The following CDH18 variants were observed in gnomAD, a reference collection of about 807,000 sequenced individuals.
The protein encoded by CDH18 is cadherin-18.
CDH18 carries 31 observed loss-of-function variants against 67.9 expected under a neutral mutation model. The observed-to-expected ratio is 0.46, with a 90% CI of 0.34 to 0.62. The LOEUF is 0.62. Ranked by LOEUF, CDH18 falls within the 20% of genes least tolerant of loss-of-function variation. The probability of loss-of-function intolerance (pLI) is 0.01; values close to 1 mark genes in which losing one functional copy is unlikely to be tolerated. For missense variants in CDH18, 890 were observed against 975.5 expected, an observed-to-expected ratio of 0.91 and a Z score of 1.17; for synonymous variants, 362 against 347.2, an observed-to-expected ratio of 1.04 and a Z score of -0.48.
chr5:19,651,857 C>G (rs1380383477), intron 5 of CDH18, among the ~76,000 whole-genome samples: 1 of 152,024 alleles, frequency 6.6e-6, no homozygotes, highest in African/African-American at 2.4e-5. Flanking sequence ...CTCAGTCTTA[C>G]TTTTTATTAG....
Position 19,764,045 on chromosome 5 carries a change from G to A in CDH18, c.229-16809C>T, listed in dbSNP as rs558074134. 2.5e-3 allele frequency among the ~76,000 whole-genome samples: 366 copies of A among 145,012 alleles called. 2 individuals carry two copies. Among genetic ancestry groups the A allele is most frequent in the African/African-American group, 8.9e-3 (352 of 39,682 alleles). ...TAGCTGGGTGTGGTGGCAGATGCCT[G>A]TAATCCCAGCTACTTGGGAGGCTGA... On this transcript the variant is annotated intron_variant, in intron 3 of 12. Transcript: ENST00000382275.
intron 2 of CDH18, among the ~76,000 whole-genome samples, chr5:19,848,932 T>C (rs1783325775): frequency 6.7e-6 from 1 of 150,258 alleles, no homozygotes; most frequent in African/African-American, 2.4e-5. Context: ...CTATATTATA[T>C]ATATGTGTAT....
chr5:20,396,050 C>T (rs543207389), intron 1 of CDH18, among the ~76,000 whole-genome samples: 2 of 152,266 alleles, frequency 1.3e-5, no homozygotes, highest in South Asian at 2.1e-4. Context: ...AAGGCGTTTT[C>T]CTAAGTTCTG....
intron 4 of CDH18, among the ~76,000 whole-genome samples, chr5:19,743,421 T>G (rs1769498196): frequency 1.3e-5 from 2 of 152,122 alleles, no homozygotes; most frequent in African/African-American, 4.8e-5. Context: ...ACTGTAAATA[T>G]TTTGGGCATT....
chr5:20,520,391 G>A (rs1387322798), intron 1 of CDH18, among the ~76,000 whole-genome samples: 1 of 152,078 alleles, frequency 6.6e-6, no homozygotes, highest in Non-Finnish European at 1.5e-5. Context: ...GCATGCAAAA[G>A]AGAATATGGA....
At chr5:19,711,636 C>A (rs1764716209) in intron 5 of CDH18, among the ~76,000 whole-genome samples, 1 of 126,140 alleles carries the variant, frequency 7.9e-6, no homozygotes, top group Non-Finnish European at 1.6e-5. Flanking sequence ...GTCAGAATGA[C>A]TGTTAGTATA....
intron 2 of CDH18, among the ~76,000 whole-genome samples, chr5:20,050,584 C>G (rs1478222143): frequency 6.6e-6 from 1 of 151,738 alleles, no homozygotes; most frequent in Non-Finnish European, 1.5e-5. Context: ...TGTTACAATC[C>G]AAAATATTGC....
At chr5:19,486,915 G>A (rs1740500229) in intron 11 of CDH18, among the ~76,000 whole-genome samples, 1 of 152,170 alleles carries the variant, frequency 6.6e-6, no homozygotes, top group South Asian at 2.1e-4. Context: ...ATCTGTGGAT[G>A]AGAAGTACTA....
At chr5:19,843,701 A>T (rs1782602544) in intron 2 of CDH18, among the ~76,000 whole-genome samples, 1 of 152,214 alleles carries the variant, frequency 6.6e-6, no homozygotes, top group Non-Finnish European at 1.5e-5. Context: ...AAGACACTCA[A>T]TGCCAGCTGT....
intron 3 of CDH18, among the ~76,000 whole-genome samples, chr5:19,818,380 A>G (rs1779511492): frequency 6.6e-6 from 1 of 152,250 alleles, no homozygotes; most frequent in African/African-American, 2.4e-5. Flanking sequence ...GTAAAATTAT[A>G]CTCTTATTTA....
intron 1 of CDH18, among the ~76,000 whole-genome samples, chr5:20,507,942 A>G (rs1373817062): frequency 6.6e-6 from 1 of 152,108 alleles, no homozygotes; most frequent in African/African-American, 2.4e-5. Context: ...ATTTGAAAAC[A>G]GTATAGCCTC....
intron 1 of CDH18, among the ~76,000 whole-genome samples, chr5:20,551,329 T>C (rs765954262): frequency 4.7e-4 from 72 of 152,192 alleles, no homozygotes; most frequent in Non-Finnish European, 8.4e-4. Context: ...TCCTGACTTT[T>C]ACAGTGGTGT....
chr5:20,486,656 AGTT>A (rs1753197282), intron 1 of CDH18, among the ~76,000 whole-genome samples: 1 of 87,394 alleles, frequency 1.1e-5, no homozygotes, highest in East Asian at 3.6e-4. Flanking sequence ...AACAGGAGCA[AGTT>A]GTTTTACCTG....
intron 4 of CDH18, among the ~76,000 whole-genome samples, chr5:19,726,401 C>T (rs1051687946): frequency 2.0e-5 from 3 of 152,130 alleles, no homozygotes; most frequent in Admixed American, 6.5e-5. Context: ...AGCAACAAAT[C>T]GCCTCGTGTA....
chr5:19,700,768 G>C (rs1763137930), intron 5 of CDH18, among the ~76,000 whole-genome samples: 1 of 152,078 alleles, frequency 6.6e-6, no homozygotes, highest in Non-Finnish European at 1.5e-5. Context: ...CCAGTAGAAA[G>C]GGCTTTCATT....
chr5:19,935,133 T>C (rs79227719), intron 2 of CDH18, among the ~76,000 whole-genome samples: 5,833 of 151,228 alleles, frequency 0.039, 321 homozygotes, highest in African/African-American at 0.13. Flanking sequence ...CAGAAGAAAA[T>C]ACCCTCAAAA....
rs781660584 is a variant in CDH18 at position 20,549,052 on chromosome 5, T to C, written c.-580+26410A>G. Among the ~76,000 whole-genome samples the C allele has an allele frequency of 2.0e-5, 3 of 152,124 alleles. No homozygotes were observed. The South Asian group carries it at 6.2e-4, about 32-fold the overall frequency. ...ATAGTGGTCAAATATAAAGAAAAAA[T>C]GTCTCATGCTGCCTGTGATAATGGT... is the stretch of plus-strand genomic sequence containing the variant. On this transcript the variant is annotated intron_variant, in intron 1 of 14. Transcript: ENST00000507958.
chr5:19,631,024 T>C (rs751064133), intron 5 of CDH18, among the ~76,000 whole-genome samples: 2 of 151,992 alleles, frequency 1.3e-5, no homozygotes, highest in African/African-American at 4.8e-5. Flanking sequence ...TTTAATGCTC[T>C]TCAATCTTAG....
chr5:20,306,689 A>G (rs1736490177), intron 1 of CDH18, among the ~76,000 whole-genome samples: 1 of 149,010 alleles, frequency 6.7e-6, no homozygotes, highest in Admixed American at 6.6e-5. Context: ...GACTTTCCAG[A>G]GTCCTGCTAA....
Sources: gnomAD v4.1 joint callset for allele counts (sites outside exome capture counted in the v4.1 genomes callset) on GRCh38, gnomAD v4.1.1 for gene constraint, MANE v1.5 for transcripts, NCBI Gene and HGNC (gene_info 2026-07-23, HGNC 2026-07-21) for gene names.